Variants in CTNNA2 observed in about 807,000 individuals in gnomAD.
The protein encoded by CTNNA2 is catenin alpha 2.
CTNNA2 carries 42 observed loss-of-function variants against 101.0 expected under a neutral mutation model. That is an observed-to-expected ratio of 0.42 (90% CI 0.32 to 0.54). The LOEUF is 0.54. Ranked by LOEUF, CTNNA2 falls within the 20% of genes least tolerant of loss-of-function variation. The pLI is 0.14. For missense variants in CTNNA2, 871 were observed against 1,223.1 expected, an observed-to-expected ratio of 0.71 and a Z score of 4.29; for synonymous variants, 450 against 456.4, an observed-to-expected ratio of 0.99 and a Z score of 0.18.
At chr2:79,817,896 T>C (rs1677658984) in intron 3 of CTNNA2, among the ~76,000 whole-genome samples, 1 of 152,184 alleles carries the variant, frequency 6.6e-6, no homozygotes, top group Non-Finnish European at 1.5e-5. Flanking sequence ...GCACCATCGA[T>C]GTAAATAACC....
Position 80,309,084 on chromosome 2 carries a change from G to C in CTNNA2, c.1057-84127G>C, listed in dbSNP as rs530684977. 6.1e-3 allele frequency among the ~76,000 whole-genome samples: 929 copies of C among 151,824 alleles called. 10 individuals carry two copies. The highest frequency in any genetic ancestry group is 0.021 in the African/African-American group (883 of 41,328). ...AGCCTGGACAACAGAGTGAGACTCTGTCTCAGAAAAAGGAAAAAAGAAAAA... is the reference window on the plus strand; with the variant it reads ...AGCCTGGACAACAGAGTGAGACTCTCTCTCAGAAAAAGGAAAAAAGAAAAA... On this transcript the variant is annotated intron_variant, in intron 7 of 18. Transcript: ENST00000402739.
intron 9 of CTNNA2, among the ~76,000 whole-genome samples, chr2:80,531,706 G>A (rs1315886484): frequency 6.6e-6 from 1 of 152,164 alleles, no homozygotes; most frequent in Non-Finnish European, 1.5e-5. Flanking sequence ...GCTTTAAGGA[G>A]ACCTGGGAGG....
At chr2:80,145,885 TA>T (rs1703299983) in intron 7 of CTNNA2, among the ~76,000 whole-genome samples, 1 of 152,242 alleles carries the variant, frequency 6.6e-6, no homozygotes. Flanking sequence ...TATAGATGTC[TA>T]AAGATGTCTC....
intron 2 of CTNNA2, among the ~76,000 whole-genome samples, chr2:79,687,896 G>A (rs1183845136): frequency 6.6e-6 from 1 of 152,200 alleles, no homozygotes; most frequent in Non-Finnish European, 1.5e-5. Context: ...AGTCTAGATT[G>A]TGCTTCAGAT....
At chr2:79,469,981 G>T (rs936780380) in intron 4 of CTNNA2, among the ~76,000 whole-genome samples, 3 of 152,174 alleles carry the variant, frequency 2.0e-5, no homozygotes, top group South Asian at 4.1e-4. Context: ...AGACAGGGAT[G>T]CCCTCTCTCA....
chr2:79,952,838 A>G (rs1333965483), intron 7 of CTNNA2, among the ~76,000 whole-genome samples: 1 of 152,240 alleles, frequency 6.6e-6, no homozygotes, highest in Admixed American at 6.5e-5. Flanking sequence ...CCCTGAAAAG[A>G]TGAAAGTATT....
At chr2:79,665,273 T>A (rs1225020007) in intron 2 of CTNNA2, among the ~76,000 whole-genome samples, 1 of 152,216 alleles carries the variant, frequency 6.6e-6, no homozygotes, top group Non-Finnish European at 1.5e-5. Context: ...GTCTCTGCTC[T>A]GCTCTCAGAC....
chr2:79,517,033 C>T lies in CTNNA2; in HGVS notation c.-6+3826C>T, dbSNP rs77063259. ...TAATAAATTCTAAATGGATGGTGCT[C>T]TTTCAGTTTTGTGGCTGTGAGACTA... On this transcript the variant is annotated intron_variant, in intron 1 of 18. Coordinates refer to ENST00000402739, the MANE Select transcript of CTNNA2 (RefSeq NM_001282597.3). 1.3e-3 allele frequency among the ~76,000 whole-genome samples: 199 copies of T among 152,178 alleles called. 3 individuals carry two copies. The East Asian group carries it at 0.029, about 22-fold the overall frequency.
At position 79,536,574 on chromosome 2, in the gene CTNNA2, A is replaced by AGTGTGTGTGTGT. The variant is rs61029469; in HGVS notation, c.-6+23384_-6+23395dup. Among the ~76,000 whole-genome samples the AGTGTGTGTGTGT allele has an allele frequency of 1.0e-4, 15 of 146,810 alleles. No homozygotes were observed. In the East Asian group the frequency reaches 1.4e-3, roughly 14 times the overall value. ...ATATACACCTAAATATCTCTAAAGA[A>AGTGTGTGTGTGT]GTGTGTGTGTGTGTGTGTGTGTGTG... On this transcript the variant is annotated intron_variant, in intron 1 of 18. Coordinates refer to ENST00000402739, the MANE Select transcript of CTNNA2 (RefSeq NM_001282597.3).
At chr2:80,307,189 A>G (rs888076411) in intron 7 of CTNNA2, among the ~76,000 whole-genome samples, 1 of 151,790 alleles carries the variant, frequency 6.6e-6, no homozygotes, top group African/African-American at 2.4e-5. Flanking sequence ...ACAGTTTTAA[A>G]CCCCTTGGCA....
chr2:80,059,741 C>T (rs540326774), intron 7 of CTNNA2, among the ~76,000 whole-genome samples: 1 of 152,316 alleles, frequency 6.6e-6, no homozygotes, highest in South Asian at 2.1e-4. Context: ...CTCTCTTGCC[C>T]GCCCCACTCT....
intron 4 of CTNNA2, among the ~76,000 whole-genome samples, chr2:79,428,566 GA>G (rs1678617185): frequency 6.6e-6 from 1 of 151,942 alleles, no homozygotes; most frequent in South Asian, 2.1e-4. Context: ...ATACATTTGA[GA>G]AAGTACAATA....
intron 9 of CTNNA2, among the ~76,000 whole-genome samples, chr2:80,462,631 CTTTTTTTTT>C (rs753815778): frequency 2.1e-3 from 203 of 94,768 alleles, no homozygotes; most frequent in African/African-American, 9.0e-3. Context: ...TTCTTTCTTT[CTTTTTTTTT>C]TTTTTTTTTT....
In CTNNA2 at chr2:80,146,341, G is replaced by T. The variant is rs150676778; in HGVS notation, c.1056+236544G>T. ...TTAAGCCACAGTTGTTTCTTGGATT[G>T]TTACTCATCAATCGATTCAATAGAC... On this transcript the variant is annotated intron_variant, in intron 7 of 18. Coordinates refer to ENST00000402739, the MANE Select transcript of CTNNA2 (RefSeq NM_001282597.3). Among the ~76,000 whole-genome samples, 3 of 152,092 alleles carry T rather than the reference G, an allele frequency of 2.0e-5. No individual in the cohort carries two copies. The East Asian group carries it at 5.8e-4, about 29-fold the overall frequency.
chr2:80,069,764 C>G (rs972547289), intron 7 of CTNNA2, among the ~76,000 whole-genome samples: 2 of 152,108 alleles, frequency 1.3e-5, no homozygotes, highest in Non-Finnish European at 2.9e-5. Context: ...ATGTCAGTGA[C>G]AGTCCTCCTT....
chr2:80,623,062 A>T (rs1319097461), intron 18 of CTNNA2, among the ~76,000 whole-genome samples: 1 of 151,182 alleles, frequency 6.6e-6, no homozygotes, highest in Admixed American at 6.6e-5. Flanking sequence ...AAAAAAAAAA[A>T]AAAAAGTTCA....
At chr2:79,216,836 C>G (rs1265582398) in intron 2 of CTNNA2, among the ~76,000 whole-genome samples, 2 of 152,032 alleles carry the variant, frequency 1.3e-5, no homozygotes, top group African/African-American at 4.8e-5. Flanking sequence ...TCATGCCCCC[C>G]AGAACTGCAG....
At chr2:80,487,562 T>C (rs756930428) in intron 9 of CTNNA2, among the ~76,000 whole-genome samples, 1 of 152,082 alleles carries the variant, frequency 6.6e-6, no homozygotes, top group Non-Finnish European at 1.5e-5. Flanking sequence ...TGAGAACTCA[T>C]TTACTATCAC....
chr2:80,330,168 C>G (rs150431706), intron 7 of CTNNA2, among the ~76,000 whole-genome samples: 1 of 152,232 alleles, frequency 6.6e-6, no homozygotes, highest in African/African-American at 2.4e-5. Flanking sequence ...TTAATTTGCT[C>G]GGAATTCATT....
Sources: gnomAD v4.1 joint callset for allele counts (sites outside exome capture counted in the v4.1 genomes callset) on GRCh38, gnomAD v4.1.1 for gene constraint, MANE v1.5 for transcripts, NCBI Gene and HGNC (gene_info 2026-07-23, HGNC 2026-07-21) for gene names.